ZNF248: variants seen among roughly 807,000 people sequenced by gnomAD.
The protein encoded by ZNF248 is KRAB protein domain.
Under a neutral mutation model 44.3 loss-of-function variants are expected in ZNF248, and 20 were observed. The ratio of observed to expected loss-of-function variants is 0.45; its 90% CI spans 0.32 to 0.66. ZNF248 has a LOEUF of 0.66. Ranked by LOEUF, ZNF248 falls within the 30% of genes least tolerant of loss-of-function variation. ZNF248 has a pLI of 0.04. For missense variants in ZNF248, 654 were observed against 677.0 expected (o/e 0.97, Z 0.38); for synonymous variants, 224 against 229.0 (o/e 0.98, Z 0.20).
intron 6 of ZNF248, among the ~76,000 whole-genome samples, chr10:37,814,054 C>A (rs540504204): frequency 6.6e-6 from 1 of 152,134 alleles, no homozygotes; most frequent in East Asian, 1.9e-4. Flanking sequence ...TCTATCATTG[C>A]GCTTTTGTTT....
chr10:37,771,990 G>A (rs553545762), downstream of ZNF248, among the ~76,000 whole-genome samples: 84 of 152,284 alleles, frequency 5.5e-4, no homozygotes, highest in South Asian at 0.017. Context: ...AAGGAGGCCG[G>A]CTGCAGTGGC....
intron 6 of ZNF248, among the ~76,000 whole-genome samples, chr10:37,778,424 T>G (rs2046865835): frequency 6.6e-6 from 1 of 152,084 alleles, no homozygotes; most frequent in Admixed American, 6.6e-5. Context: ...TCATTGTAGA[T>G]TCTGGATATT....
At position 37,831,226 on chromosome 10, in the gene ZNF248, A is replaced by T; in HGVS notation, c.*389T>A. On this transcript the variant is annotated 3_prime_UTR_variant, in exon 6 of 6. Transcript: ENST00000395867. ...CATACTCAAATTTATATATTTGCAT[A>T]CTCACATAAGGTCTACAAACATCGG... 19 of 1,543,418 alleles carry T rather than the reference A, an allele frequency of 1.2e-5. No individual in the cohort carries two copies. In the South Asian group the frequency reaches 2.2e-4, roughly 18 times the overall value.
At chr10:37,769,687 G>C in the ZNF248 span, among the ~76,000 whole-genome samples, 1 of 152,122 alleles carries the variant, frequency 6.6e-6, no homozygotes, top group African/African-American at 2.4e-5. Flanking sequence ...GCAAAAACTG[G>C]AAGCATTCCC....
At chr10:37,823,951 G>GT, downstream of ZNF248, among the ~76,000 whole-genome samples, 1 of 152,054 alleles carries the variant, frequency 6.6e-6, no homozygotes. Flanking sequence ...CTAAGATGAT[G>GT]TAAGAATTCA....
At chr10:37,822,608 C>T (rs2133668555) in intron 6 of ZNF248, among the ~76,000 whole-genome samples, 1 of 152,028 alleles carries the variant, frequency 6.6e-6, no homozygotes, top group South Asian at 2.1e-4. Flanking sequence ...CTGTTATATT[C>T]ATTATAATAA....
chr10:37,813,285 T>C (rs1284191364), intron 6 of ZNF248, among the ~76,000 whole-genome samples: 1 of 152,246 alleles, frequency 6.6e-6, no homozygotes, highest in African/African-American at 2.4e-5. Flanking sequence ...TTTTATGACA[T>C]GGACCCTTTT....
At chr10:37,825,647 C>T (rs1208719), downstream of ZNF248, among the ~76,000 whole-genome samples, 12 of 152,104 alleles carry the variant, frequency 7.9e-5, no homozygotes, top group Non-Finnish European at 1.3e-4. Flanking sequence ...CACCATATTG[C>T]CCAGGCTGGT....
chr10:37,768,781 C>G, the ZNF248 span, among the ~76,000 whole-genome samples: 1 of 152,066 alleles, frequency 6.6e-6, no homozygotes, highest in Non-Finnish European at 1.5e-5. Context: ...CAGAGCAGAA[C>G]TGAAGGAAAT....
rs540147315 is a variant in ZNF248, at chr10:37,819,020, G to A, written c.330+14005C>T. 97 of 855,550 alleles carry A rather than the reference G, an allele frequency of 1.1e-4. No individual in the cohort carries two copies. In the South Asian group the frequency reaches 1.2e-3, roughly 11 times the overall value. 53.0% of individuals were successfully genotyped at this position (855,550 alleles called of 1,614,324 possible). ...GCAATAAGTGCCAGCACCTTGTGAT[G>A]TCAGCTCCATGCCACCCACTGAATT... On this transcript the variant is annotated intron_variant, in intron 6 of 6. Transcript: ENST00000615949.
chr10:37,820,616 C>T (rs1378669535), intron 6 of ZNF248: 2 of 1,572,428 alleles, frequency 1.3e-6, no homozygotes, highest in Non-Finnish European at 1.7e-6. Flanking sequence ...CCCAGCAGTG[C>T]CTTTCCCTTG....
chr10:37,856,102 T>C (rs186259105), intron 3 of ZNF248, among the ~76,000 whole-genome samples, 194 bp downstream of exon 3: 1 of 152,372 alleles, frequency 6.6e-6, no homozygotes, highest in East Asian at 1.9e-4. Context: ...TACAATAACT[T>C]GGATAATTCT....
chr10:37,840,686 G>A (rs982639690), intron 3 of ZNF248, among the ~76,000 whole-genome samples: 1 of 152,114 alleles, frequency 6.6e-6, no homozygotes, highest in African/African-American at 2.4e-5. Context: ...GGGAGGCTGA[G>A]GAAGGAGAAT....
At chr10:37,787,765 G>A (rs1011836089) in intron 6 of ZNF248, among the ~76,000 whole-genome samples, 2 of 151,876 alleles carry the variant, frequency 1.3e-5, no homozygotes, top group African/African-American at 4.8e-5. Flanking sequence ...AGAAAATATA[G>A]AAGAAAAATC....
intron 3 of ZNF248, among the ~76,000 whole-genome samples, chr10:37,840,548 T>C (rs2058145404): frequency 1.3e-5 from 2 of 152,174 alleles, no homozygotes; most frequent in African/African-American, 2.4e-5. Context: ...AACAGGAATT[T>C]TGATTCACAA....
the ZNF248 span, among the ~76,000 whole-genome samples, chr10:37,770,688 A>T: frequency 9.2e-5 from 14 of 152,338 alleles, no homozygotes; most frequent in Non-Finnish European, 1.6e-4. Flanking sequence ...AACCTAGGCA[A>T]TACCATTCAG....
chr10:37,770,979 T>C, the ZNF248 span, among the ~76,000 whole-genome samples: 72,934 of 151,948 alleles, frequency 0.48, 17,836 homozygotes, highest in East Asian at 0.56. Flanking sequence ...ACAAACACTT[T>C]TCAAAAGAAG....
rs894013679 is a variant in ZNF248 at position 37,822,677 on chromosome 10, G to A, written c.330+10348C>T. 6.6e-5 allele frequency among the ~76,000 whole-genome samples: 10 copies of A among 152,024 alleles called. 1 individual carries two copies. The highest frequency in any genetic ancestry group is 1.4e-4 in the African/African-American group (6 of 41,390). On this transcript the variant is annotated intron_variant, in intron 6 of 6. Coordinates refer to the ZNF248 transcript ENST00000615949. ...AGGGGTGTCCAATCTTTTGTCTTCC[G>A]TGGGCCACAATGGAAGGAAGAAATG...
At chr10:37,847,646 A>C (rs955132041) in intron 3 of ZNF248, among the ~76,000 whole-genome samples, 1 of 152,236 alleles carries the variant, frequency 6.6e-6, no homozygotes, top group Non-Finnish European at 1.5e-5. Context: ...TAAAAATTAT[A>C]CAAGTGTTTA....
Sources: allele counts gnomAD v4.1 joint callset (sites outside exome capture counted in the v4.1 genomes callset), GRCh38; gene constraint gnomAD v4.1.1; transcripts MANE v1.5; gene names NCBI Gene and HGNC (gene_info 2026-07-23, HGNC 2026-07-21).